KAZN: variants seen among roughly 807,000 people sequenced by gnomAD.
The protein encoded by KAZN is kazrin.
A neutral mutation model predicts 87.4 loss-of-function variants in KAZN; 40 were observed. The ratio of observed to expected loss-of-function variants is 0.46; its 90% CI spans 0.36 to 0.60. KAZN has a LOEUF of 0.60. Ranked by LOEUF, KAZN falls within the 20% of genes least tolerant of loss-of-function variation. The pLI, the probability that KAZN is intolerant of heterozygous loss-of-function variation, is 0.00. For missense variants in KAZN, 898 were observed against 1,073.9 expected, an observed-to-expected ratio of 0.84 and a Z score of 2.29; for synonymous variants, 466 against 458.3, an observed-to-expected ratio of 1.02 and a Z score of -0.22.
At chr1:14,884,561 T>C (rs1049607343) in intron 1 of KAZN, among the ~76,000 whole-genome samples, 2 of 152,224 alleles carry the variant, frequency 1.3e-5, no homozygotes, top group African/African-American at 4.8e-5. Flanking sequence ...AGGACGTTCA[T>C]TGCTAGAGTC....
At chr1:14,904,462 A>C (rs776422496) in intron 1 of KAZN, among the ~76,000 whole-genome samples, 7 of 152,234 alleles carry the variant, frequency 4.6e-5, no homozygotes, top group Non-Finnish European at 8.8e-5. Flanking sequence ...TTTGCTACCC[A>C]GTTCCAAACA....
rs1453586803 is a variant in KAZN at position 14,856,608 on chromosome 1, A to G, written c.227-104076A>G. 6.6e-6 allele frequency among the ~76,000 whole-genome samples: 1 copy of G among 152,226 alleles called. No homozygotes were observed. The highest frequency in any genetic ancestry group is 1.5e-5 in the Non-Finnish European group (1 of 68,038). On this transcript the variant is annotated intron_variant, in intron 1 of 14. Coordinates refer to ENST00000376030, the MANE Select transcript of KAZN (RefSeq NM_201628.3). This position sits in a 1 kb window ranked among gnomAD's most constrained non-coding sequence, Gnocchi z 5.2. ...TTCTATTTTGGTAGCTCAACAATTCACTAAGTGTGATGCAGCCACACATTC... is the reference window on the plus strand; with the variant it reads ...TTCTATTTTGGTAGCTCAACAATTCGCTAAGTGTGATGCAGCCACACATTC...
At chr1:14,895,793 G>A (rs1655201493) in intron 1 of KAZN, among the ~76,000 whole-genome samples, 1 of 152,180 alleles carries the variant, frequency 6.6e-6, no homozygotes, top group Non-Finnish European at 1.5e-5. Context: ...CATGTTCTCT[G>A]CCCTGGACTC....
intron 2 of KAZN, among the ~76,000 whole-genome samples, chr1:14,421,699 C>T (rs1374037439): frequency 6.6e-6 from 1 of 152,112 alleles, no homozygotes; most frequent in Non-Finnish European, 1.5e-5. Flanking sequence ...TTCAAAACTT[C>T]ACAGAACCTG....
At chr1:14,022,043 C>T (rs1640851367) in intron 1 of KAZN, among the ~76,000 whole-genome samples, 1 of 142,076 alleles carries the variant, frequency 7.0e-6, no homozygotes, top group Non-Finnish European at 1.5e-5. Flanking sequence ...CTGATGTCAG[C>T]CGGATTACCC....
At chr1:14,172,780 T>C (rs1027050844) in intron 1 of KAZN, among the ~76,000 whole-genome samples, 3 of 152,218 alleles carry the variant, frequency 2.0e-5, no homozygotes, top group African/African-American at 7.2e-5. Flanking sequence ...TTCTTGGCCC[T>C]TCTCTATATT....
chr1:14,254,776 T>C (rs1043309418), intron 2 of KAZN, among the ~76,000 whole-genome samples: 8 of 152,022 alleles, frequency 5.3e-5, no homozygotes, highest in African/African-American at 1.9e-4. Flanking sequence ...CACCAACATC[T>C]ACTGAGCTTC....
At chr1:15,101,164 T>TCTCTCTCTCTCTCTCTC (rs1553190085) in intron 10 of KAZN, among the ~76,000 whole-genome samples, 22 of 127,768 alleles carry the variant, frequency 1.7e-4, no homozygotes, top group African/African-American at 5.8e-4. Context: ...GTCTCGGTCT[T>TCTCTCTCTCTCTCTCTC]TCTCTCTCTC....
intron 1 of KAZN, among the ~76,000 whole-genome samples, chr1:14,138,081 C>CTCTGTGTG (rs144840101): frequency 7.5e-6 from 1 of 134,058 alleles, no homozygotes; most frequent in African/African-American, 3.0e-5. Flanking sequence ...ATAAATGTTA[C>CTCTGTGTG]AGTGTGTGTG....
chr1:14,437,146 G>C (rs914836148), intron 2 of KAZN, among the ~76,000 whole-genome samples: 1 of 152,162 alleles, frequency 6.6e-6, no homozygotes, highest in Non-Finnish European at 1.5e-5. Context: ...TGGAAATTCA[G>C]TGAGTCAGAG....
intron 1 of KAZN, among the ~76,000 whole-genome samples, chr1:14,940,629 G>A (rs1660950750): frequency 6.6e-6 from 1 of 152,208 alleles, no homozygotes; most frequent in Admixed American, 6.5e-5. Flanking sequence ...TGTGAGGGTG[G>A]AGGAAGAGCT....
At chr1:14,797,080 G>T (rs1185237733) in intron 1 of KAZN, among the ~76,000 whole-genome samples, 1 of 152,188 alleles carries the variant, frequency 6.6e-6, no homozygotes, top group African/African-American at 2.4e-5. Flanking sequence ...TTGTTTTTCA[G>T]ATGGAGTTTT....
At chr1:14,689,328 A>C (rs982179748) in intron 1 of KAZN, among the ~76,000 whole-genome samples, 4 of 152,242 alleles carry the variant, frequency 2.6e-5, no homozygotes, top group African/African-American at 9.6e-5. Context: ...TCTGTCTGGC[A>C]GTGACTCCCA....
chr1:15,056,971 C>G lies in KAZN; in HGVS notation c.916+691C>G, dbSNP rs150378392. On this transcript the variant is annotated intron_variant, in intron 5 of 14. Coordinates refer to ENST00000376030, the MANE Select transcript of KAZN (RefSeq NM_201628.3). This position sits in a 1 kb window ranked among gnomAD's most constrained non-coding sequence, Gnocchi z 5.4. ...TTATGTGATAGATGCAAGTTGGGAA[C>G]AGGCATCCAGCAGCAGCCAATGCAC... 7.1e-4 allele frequency among the ~76,000 whole-genome samples: 108 copies of G among 152,376 alleles called. No individual in the cohort carries two copies. The highest frequency in any genetic ancestry group is 2.5e-3 in the African/African-American group (103 of 41,600).
At chr1:14,757,424 G>A (rs947435242) in intron 1 of KAZN, among the ~76,000 whole-genome samples, 5 of 152,194 alleles carry the variant, frequency 3.3e-5, no homozygotes, top group African/African-American at 1.2e-4. Context: ...GGACTGGGTT[G>A]GTTCAAGTCC....
chr1:14,809,972 G>C (rs902444096), intron 1 of KAZN, among the ~76,000 whole-genome samples: 1 of 152,118 alleles, frequency 6.6e-6, no homozygotes, highest in Non-Finnish European at 1.5e-5. Flanking sequence ...GACATTTGGG[G>C]CTGGATACTC....
At chr1:14,733,889 C>G (rs1166406658) in intron 1 of KAZN, among the ~76,000 whole-genome samples, 1 of 152,202 alleles carries the variant, frequency 6.6e-6, no homozygotes, top group Non-Finnish European at 1.5e-5. Flanking sequence ...CCCTCCTTGC[C>G]CAATCTGCAG....
At chr1:15,089,315 C>T (rs1221196786) in intron 8 of KAZN, among the ~76,000 whole-genome samples, 3 of 150,694 alleles carry the variant, frequency 2.0e-5, no homozygotes, top group South Asian at 4.3e-4. Flanking sequence ...GGGCACAGAA[C>T]GGACAGATCC....
intron 2 of KAZN, among the ~76,000 whole-genome samples, chr1:14,558,191 C>T (rs1351971738): frequency 6.6e-6 from 1 of 152,238 alleles, no homozygotes; most frequent in Non-Finnish European, 1.5e-5. Flanking sequence ...AGGCAAAGAA[C>T]TTGTCCCCAG....
Sources: gnomAD v4.1 joint callset for allele counts (sites outside exome capture counted in the v4.1 genomes callset) on GRCh38, gnomAD v4.1.1 for gene constraint, Gnocchi (gnomAD v3.1) non-coding constraint, MANE v1.5 for transcripts, NCBI Gene and HGNC (gene_info 2026-07-23, HGNC 2026-07-21) for gene names.